FMN1: variants seen among roughly 807,000 people sequenced by gnomAD.
FMN1 encodes formin 1.
In FMN1, 110 loss-of-function variants were observed where a neutral mutation model predicts 132.4. The observed-to-expected ratio is 0.83, with a 90% CI of 0.71 to 0.97. The LOEUF (loss-of-function observed/expected upper bound fraction) is 0.97. Among genes scored for constraint, FMN1 ranks in the 50% least tolerant of loss-of-function variants. FMN1 has a pLI of 0.00. For synonymous variants in FMN1, 722 were observed against 651.7 expected, an observed-to-expected ratio of 1.11 and a Z score of -1.64; for missense variants, 1,792 against 1,705.3, an observed-to-expected ratio of 1.05 and a Z score of -0.90.
rs181218087 is a variant in FMN1, at chr15:33,169,253, C to G, written c.-132+10945G>C. ...ACATTTATGAAACTAATAAAAAAGC[C>G]AAAGCTTTGTTGCCCTAGATAACTT... On this transcript the variant is annotated intron_variant, in intron 3 of 20. Coordinates refer to ENST00000616417, the MANE Select transcript of FMN1 (RefSeq NM_001277313.2). Among the ~76,000 whole-genome samples, 620 of 152,216 alleles carry G rather than the reference C, an allele frequency of 4.1e-3. 2 individuals carry two copies. The highest frequency in any genetic ancestry group is 0.015 in the African/African-American group (603 of 41,536).
At position 33,031,719 on chromosome 15, in the gene FMN1, C is replaced by G. The variant is rs147218177; in HGVS notation, c.2162-23644G>C. On this transcript the variant is annotated intron_variant, in intron 6 of 20. Coordinates refer to ENST00000616417, the MANE Select transcript of FMN1 (RefSeq NM_001277313.2). ...GCTGCTCCATTCCCTCTGGCTCTCA[C>G]GACTGGCAAGCTGGAGGGCCAGGCT... Among the ~76,000 whole-genome samples the G allele has an allele frequency of 5.5e-4, 84 of 152,286 alleles. 2 individuals are homozygous for G. The East Asian group carries it at 0.015, about 28-fold the overall frequency.
chr15:32,971,071 T>C (rs2031746358), intron 7 of FMN1, among the ~76,000 whole-genome samples: 1 of 152,250 alleles, frequency 6.6e-6, no homozygotes, highest in Admixed American at 6.5e-5. Flanking sequence ...TTGCGAGTTC[T>C]ATGACCTCAG....
intron 12 of FMN1, 121 bp downstream of exon 12, chr15:32,908,369 A>C: frequency 1.5e-6 from 1 of 658,268 alleles, no homozygotes; most frequent in Non-Finnish European, 2.7e-6. Context: ...GGTCACAGGA[A>C]TGACGGTGTT....
intron 9 of FMN1, among the ~76,000 whole-genome samples, chr15:32,936,668 A>G (rs542582631): frequency 1.5e-4 from 23 of 151,916 alleles, no homozygotes; most frequent in East Asian, 5.8e-4. Context: ...GGAAGAGGAG[A>G]AGGAGGAGGA....
At chr15:32,829,278 T>C (rs2058444965) in intron 17 of FMN1, among the ~76,000 whole-genome samples, 1 of 152,252 alleles carries the variant, frequency 6.6e-6, no homozygotes, top group Non-Finnish European at 1.5e-5. Flanking sequence ...CAAGCTATTA[T>C]TCCTACTAAG....
At chr15:33,121,966 T>C (rs572044660) in intron 4 of FMN1, among the ~76,000 whole-genome samples, 1 of 152,360 alleles carries the variant, frequency 6.6e-6, no homozygotes, top group Admixed American at 6.5e-5. Flanking sequence ...ATTCATTTAT[T>C]CATTTACCAA....
intron 3 of FMN1, among the ~76,000 whole-genome samples, chr15:33,168,058 C>T (rs900319209): frequency 6.6e-6 from 1 of 152,162 alleles, no homozygotes; most frequent in Non-Finnish European, 1.5e-5. Flanking sequence ...TCTCATAGTC[C>T]TATGAGTGGG....
intron 17 of FMN1, among the ~76,000 whole-genome samples, chr15:32,844,715 T>C (rs2058819541): frequency 6.6e-6 from 1 of 152,224 alleles, no homozygotes; most frequent in Non-Finnish European, 1.5e-5. Context: ...CCGTCCTCTG[T>C]AGTAAATAAT....
At chr15:33,091,744 G>A (rs371857389) in intron 4 of FMN1, among the ~76,000 whole-genome samples, 121 of 152,134 alleles carry the variant, frequency 8.0e-4, no homozygotes, top group African/African-American at 2.8e-3. Context: ...AATAAAGCAC[G>A]TCTGTATTTA....
intron 17 of FMN1, among the ~76,000 whole-genome samples, chr15:32,812,506 G>C (rs1022900187): frequency 1.3e-5 from 2 of 152,112 alleles, no homozygotes; most frequent in East Asian, 1.9e-4. Flanking sequence ...TTTATACATA[G>C]AGCTTGAAGG....
At chr15:33,004,695 C>T (rs1480705936) in intron 7 of FMN1, among the ~76,000 whole-genome samples, 1 of 152,142 alleles carries the variant, frequency 6.6e-6, no homozygotes, top group Non-Finnish European at 1.5e-5. Context: ...TGGGTACATA[C>T]CCAAAGGATT....
At chr15:33,159,491 T>A (rs1964806021) in intron 3 of FMN1, among the ~76,000 whole-genome samples, 1 of 152,226 alleles carries the variant, frequency 6.6e-6, no homozygotes, top group Admixed American at 6.5e-5. Context: ...GAAGGAATCA[T>A]ACAGTATATA....
intron 9 of FMN1, among the ~76,000 whole-genome samples, chr15:32,959,203 T>TG (rs2140556110): frequency 6.6e-6 from 1 of 152,314 alleles, no homozygotes; most frequent in East Asian, 1.9e-4. Flanking sequence ...AGTATCCTCC[T>TG]GGTCTTCTCA....
intron 3 of FMN1, among the ~76,000 whole-genome samples, chr15:33,175,907 C>T (rs1376554783): frequency 3.3e-5 from 5 of 152,192 alleles, no homozygotes; most frequent in Non-Finnish European, 7.3e-5. Flanking sequence ...ATGCCTCATA[C>T]TTTCTTAAGG....
intron 16 of FMN1, among the ~76,000 whole-genome samples, chr15:32,876,477 A>T (rs996012521): frequency 6.6e-6 from 1 of 152,220 alleles, no homozygotes; most frequent in Non-Finnish European, 1.5e-5. Context: ...GTCAATCTAA[A>T]TGTATCATTG....
rs137949653 is a variant in FMN1, at chr15:33,174,293, C to T, written c.-132+5905G>A. 7.4e-4 allele frequency among the ~76,000 whole-genome samples: 113 copies of T among 152,270 alleles called. 1 individual carries two copies. The highest frequency in any genetic ancestry group is 2.7e-3 in the African/African-American group (111 of 41,562). On this transcript the variant is annotated intron_variant, in intron 3 of 20. Coordinates refer to ENST00000616417, the MANE Select transcript of FMN1 (RefSeq NM_001277313.2). ...CAAGTGCATGTTGATGACTAATTGACAGAAATTCTAAGGAAATTCTGTTTC... is the reference window on the plus strand; with the variant it reads ...CAAGTGCATGTTGATGACTAATTGATAGAAATTCTAAGGAAATTCTGTTTC...
intron 6 of FMN1, among the ~76,000 whole-genome samples, chr15:33,041,141 G>A (rs1214551439): frequency 2.7e-5 from 4 of 148,976 alleles, no homozygotes; most frequent in Non-Finnish European, 3.0e-5. Context: ...TAAACAGATT[G>A]AAAAAAAAAA....
chr15:32,922,976 T>C (rs868088266), intron 10 of FMN1, among the ~76,000 whole-genome samples: 2 of 152,162 alleles, frequency 1.3e-5, no homozygotes, highest in Admixed American at 6.5e-5. Context: ...AATCAATAAA[T>C]GTGACAATTT....
intron 9 of FMN1, among the ~76,000 whole-genome samples, chr15:32,932,199 G>C (rs1425424811): frequency 6.6e-6 from 1 of 152,138 alleles, no homozygotes; most frequent in Admixed American, 6.6e-5. Flanking sequence ...AGGAGTTAGA[G>C]ACCAGCCTGG....
Sources: allele counts gnomAD v4.1 joint callset (sites outside exome capture counted in the v4.1 genomes callset), GRCh38; gene constraint gnomAD v4.1.1; transcripts MANE v1.5; gene names NCBI Gene and HGNC (gene_info 2026-07-23, HGNC 2026-07-21).